Variants in ATP6V0D2 observed in about 807,000 individuals in gnomAD.
The protein encoded by ATP6V0D2 is ATPase H+ transporting V0 subunit d2, also known as V-type proton ATPase subunit d 2.
Under a neutral mutation model 40.0 loss-of-function variants are expected in ATP6V0D2, and 40 were observed. That is an observed-to-expected ratio of 1.00 (90% confidence interval 0.78 to 1.30). ATP6V0D2 has a LOEUF of 1.30. Among genes scored for constraint, ATP6V0D2 ranks in the 50% most tolerant of loss-of-function variants. The pLI is 0.00. For missense variants in ATP6V0D2, 470 were observed against 423.1 expected (o/e 1.11, Z -0.97); for synonymous variants, 179 against 156.3 (o/e 1.15, Z -1.08).
At chr8:86,138,039 C>T (rs1818920831) in intron 2 of ATP6V0D2, among the ~76,000 whole-genome samples, 1 of 152,120 alleles carries the variant, frequency 6.6e-6, no homozygotes, top group Admixed American at 6.6e-5. Flanking sequence ...CAGTATCCTC[C>T]GTTGCCCTTA....
chr8:86,115,893 C>A (rs984480290), intron 2 of ATP6V0D2, among the ~76,000 whole-genome samples: 1 of 152,078 alleles, frequency 6.6e-6, no homozygotes, highest in African/African-American at 2.4e-5. Flanking sequence ...ATACGGCAAA[C>A]AGAAAATATT....
intron 2 of ATP6V0D2, among the ~76,000 whole-genome samples, chr8:86,119,497 G>A (rs1818640883): frequency 6.6e-6 from 1 of 151,992 alleles, no homozygotes; most frequent in South Asian, 2.1e-4. Context: ...CCAAAGTGCT[G>A]GGATTACAGG....
At chr8:86,145,251 G>A (rs200802390) in intron 5 of ATP6V0D2, among the ~76,000 whole-genome samples, 7 of 39,678 alleles carry the variant, frequency 1.8e-4, no homozygotes, top group African/African-American at 7.7e-4. Context: ...GAGAGAGAGA[G>A]AGAGAGAAAG....
intron 1 of ATP6V0D2, among the ~76,000 whole-genome samples, chr8:86,106,699 A>G (rs1214806681): frequency 2.0e-5 from 3 of 152,176 alleles, no homozygotes; most frequent in African/African-American, 4.8e-5. Flanking sequence ...CAGTTTTGAA[A>G]ATATTTATTT....
chr8:86,126,263 T>TATATATATATATATATATATATATATATA, intron 2 of ATP6V0D2, among the ~76,000 whole-genome samples: 1 of 138,466 alleles, frequency 7.2e-6, no homozygotes, highest in Non-Finnish European at 1.6e-5. Flanking sequence ...TATATATATA[T>TATATATATATATATATATATATATATATA]CTTTTTGTAT....
chr8:86,124,385 C>T (rs569183869), intron 2 of ATP6V0D2, among the ~76,000 whole-genome samples: 9 of 152,248 alleles, frequency 5.9e-5, no homozygotes, highest in South Asian at 2.1e-4. Context: ...AGATTAGAAA[C>T]GAATTGAATA....
chr8:86,100,242 A>T (rs541688798), intron 1 of ATP6V0D2, among the ~76,000 whole-genome samples: 1 of 152,054 alleles, frequency 6.6e-6, no homozygotes, highest in Non-Finnish European at 1.5e-5. Context: ...CTTACCAAAG[A>T]TTCCACGTCT....
At chr8:86,141,758 A>G (rs1178241808) in intron 4 of ATP6V0D2, among the ~76,000 whole-genome samples, 2 of 152,218 alleles carry the variant, frequency 1.3e-5, no homozygotes, top group Admixed American at 6.5e-5. Context: ...CTATTCTTCC[A>G]TATTCCTAGC....
chr8:86,103,310 T>C (rs1339832867), intron 1 of ATP6V0D2, among the ~76,000 whole-genome samples: 16 of 150,318 alleles, frequency 1.1e-4, no homozygotes, highest in Non-Finnish European at 1.9e-4. Context: ...TTTTTTTTTT[T>C]AGTAGAGATG....
intron 2 of ATP6V0D2, among the ~76,000 whole-genome samples, chr8:86,114,978 A>G (rs1411183254): frequency 6.6e-6 from 1 of 152,238 alleles, no homozygotes; most frequent in Admixed American, 6.5e-5. Context: ...GCTGCATAGT[A>G]TAAGCCAAAG....
At chr8:86,146,075 A>C (rs111817348) in intron 5 of ATP6V0D2, among the ~76,000 whole-genome samples, 99 of 152,232 alleles carry the variant, frequency 6.5e-4, no homozygotes, top group Admixed American at 1.3e-3. Flanking sequence ...GTGCTTATCC[A>C]CTCTGCCATA....
chr8:86,145,568 C>T (rs1292105570), intron 5 of ATP6V0D2, among the ~76,000 whole-genome samples: 1 of 152,052 alleles, frequency 6.6e-6, no homozygotes. Flanking sequence ...AAATAAATAA[C>T]ATTTTGAGGC....
At position 86,099,066 on chromosome 8, in the gene ATP6V0D2, C is replaced by T; in HGVS notation, c.88C>T (p.Gln30Ter). Residue 30 changes from glutamine (Q) to a stop codon, truncating the protein, a stop_gained, in exon 1 of 8, where the codon CAG (glutamine) becomes TAG (stop). Transcript: ENST00000285393. LOFTEE classifies it high-confidence loss of function. ...VRGCKASLLT[Q>*]QDYINLVQCE... Reference sequence around the variant, plus strand: ...AGGATGCAAGGCCAGCCTCCTGACCCAGCAAGACTATATCAACCTGGTCCA... The same window carrying T: ...AGGATGCAAGGCCAGCCTCCTGACCTAGCAAGACTATATCAACCTGGTCCA... 1 of 1,613,394 alleles carries T rather than the reference C, an allele frequency of 6.2e-7. No homozygotes were observed. The highest frequency in any genetic ancestry group is 8.5e-7 in the Non-Finnish European group (1 of 1,179,928).
At chr8:86,142,266 A>C (rs1437699691) in intron 4 of ATP6V0D2, among the ~76,000 whole-genome samples, 1 of 152,206 alleles carries the variant, frequency 6.6e-6, no homozygotes, top group East Asian at 1.9e-4. Flanking sequence ...GATATAACTA[A>C]CAGAAGGCAC....
chr8:86,139,218 A>C (rs1818939947), intron 2 of ATP6V0D2, among the ~76,000 whole-genome samples: 1 of 121,232 alleles, frequency 8.2e-6, no homozygotes, highest in East Asian at 2.5e-4. Context: ...ACAGAGAGAG[A>C]CTTGGTCTCA....
chr8:86,153,013 T>A lies in ATP6V0D2; in HGVS notation c.*36T>A. On this transcript the variant is annotated 3_prime_UTR_variant, in exon 8 of 8. Coordinates refer to ENST00000285393, the MANE Select transcript of ATP6V0D2 (RefSeq NM_152565.1). ...GTTCTCAAATGTAGAAAATTATAAA[T>A]GTTAAAAGGAAGTTATTGAAGAAAA... 1 of 1,511,116 alleles carries A rather than the reference T, an allele frequency of 6.6e-7. No homozygotes were observed. The highest frequency in any genetic ancestry group is 8.9e-7 in the Non-Finnish European group (1 of 1,127,848). 93.6% of individuals were successfully genotyped at this position (1,511,116 alleles called of 1,614,324 possible).
intron 2 of ATP6V0D2, among the ~76,000 whole-genome samples, chr8:86,124,048 G>T (rs973510453): frequency 6.6e-6 from 1 of 151,936 alleles, no homozygotes; most frequent in Non-Finnish European, 1.5e-5. Context: ...TATGAAATTG[G>T]CTTTTTGACA....
intron 1 of ATP6V0D2, among the ~76,000 whole-genome samples, chr8:86,100,919 T>C (rs1024554083): frequency 6.6e-6 from 1 of 151,350 alleles, no homozygotes; most frequent in African/African-American, 2.4e-5. Flanking sequence ...AAGCCATATC[T>C]AAAGCCATAT....
intron 7 of ATP6V0D2, among the ~76,000 whole-genome samples, chr8:86,151,934 T>A (rs1457880036): frequency 6.6e-6 from 1 of 151,872 alleles, no homozygotes; most frequent in Admixed American, 6.6e-5. Flanking sequence ...AAAAAAAAAA[T>A]TGTGTTATAC....
Sources: gnomAD v4.1 joint callset for allele counts (sites outside exome capture counted in the v4.1 genomes callset) on GRCh38, gnomAD v4.1.1 for gene constraint, MANE v1.5 for transcripts, NCBI Gene and HGNC (gene_info 2026-07-23, HGNC 2026-07-21) for gene names.